Variants in GALNT13 observed in about 807,000 individuals in gnomAD.
GALNT13 encodes polypeptide N-acetylgalactosaminyltransferase 13, also known as UDP-GalNAc:polypeptide N-acetylgalactosaminyltransferase 13.
In GALNT13, 28 loss-of-function variants were observed where a neutral mutation model predicts 64.2. That is an observed-to-expected ratio of 0.44 (90% CI 0.32 to 0.60). The LOEUF (loss-of-function observed/expected upper bound fraction) is 0.60, where lower values mean the gene tolerates loss of function less well. Ranked by LOEUF, GALNT13 falls within the 20% of genes least tolerant of loss-of-function variation. The probability of loss-of-function intolerance (pLI) is 0.05; values close to 1 mark genes in which losing one functional copy is unlikely to be tolerated. For synonymous variants in GALNT13, 214 were observed against 224.6 expected (o/e 0.95, Z 0.42); for missense variants, 577 against 669.8 (o/e 0.86, Z 1.53).
At chr2:153,981,469 T>C (rs1694457846) in intron 3 of GALNT13, among the ~76,000 whole-genome samples, 1 of 152,120 alleles carries the variant, frequency 6.6e-6, no homozygotes, top group African/African-American at 2.4e-5. Context: ...ATGCGGTGTT[T>C]GGTTTTTTTG....
the GALNT13 span, among the ~76,000 whole-genome samples, chr2:153,360,486 G>A: frequency 6.6e-6 from 1 of 152,148 alleles, no homozygotes; most frequent in African/African-American, 2.4e-5. Flanking sequence ...GCAGGGGAAG[G>A]GCAGCAGCCA....
chr2:154,238,622 G>C (rs1420200242), intron 4 of GALNT13, among the ~76,000 whole-genome samples: 2 of 151,928 alleles, frequency 1.3e-5, no homozygotes, highest in African/African-American at 4.8e-5. Context: ...AAGATAACTA[G>C]ATAAACTGAC....
chr2:153,316,893 G>C, the GALNT13 span, among the ~76,000 whole-genome samples: 1 of 152,082 alleles, frequency 6.6e-6, no homozygotes, highest in African/African-American at 2.4e-5. Context: ...CAAATATTCT[G>C]TATCTTAATA....
chr2:153,815,730 G>A, the GALNT13 span, among the ~76,000 whole-genome samples: 3 of 152,002 alleles, frequency 2.0e-5, no homozygotes, highest in African/African-American at 7.2e-5. Flanking sequence ...TTTAGAAAAT[G>A]GTCTCAAGTA....
At chr2:153,745,847 C>G in the GALNT13 span, among the ~76,000 whole-genome samples, 1 of 152,116 alleles carries the variant, frequency 6.6e-6, no homozygotes, top group Non-Finnish European at 1.5e-5. Context: ...CTCAGCCTCT[C>G]AAAGTGCTGG....
the GALNT13 span, among the ~76,000 whole-genome samples, chr2:153,546,775 T>A: frequency 6.6e-6 from 1 of 152,252 alleles, no homozygotes; most frequent in African/African-American, 2.4e-5. Flanking sequence ...TACAGATTTA[T>A]ATACTTTTGT....
At chr2:153,352,750 A>T in the GALNT13 span, among the ~76,000 whole-genome samples, 6 of 152,098 alleles carry the variant, frequency 3.9e-5, no homozygotes, top group African/African-American at 1.2e-4. Context: ...TCTGTCAAAG[A>T]CCTGTTGACT....
chr2:153,940,779 A>T (rs1197563499), intron 2 of GALNT13, among the ~76,000 whole-genome samples: 1 of 152,138 alleles, frequency 6.6e-6, no homozygotes, highest in Non-Finnish European at 1.5e-5. Flanking sequence ...GCAGCCTTAC[A>T]CTAGTTTCCA....
chr2:153,089,201 G>A, the GALNT13 span, among the ~76,000 whole-genome samples: 1 of 152,040 alleles, frequency 6.6e-6, no homozygotes, highest in Admixed American at 6.6e-5. Flanking sequence ...TTGTTTTTCT[G>A]AAAAAGACCT....
the GALNT13 span, among the ~76,000 whole-genome samples, chr2:153,836,072 T>A: frequency 1.3e-5 from 2 of 152,024 alleles, no homozygotes; most frequent in Non-Finnish European, 2.9e-5. Context: ...AATCCTAGAC[T>A]TTCAATCCCA....
At chr2:153,445,008 A>T in the GALNT13 span, among the ~76,000 whole-genome samples, 1 of 152,180 alleles carries the variant, frequency 6.6e-6, no homozygotes, top group Non-Finnish European at 1.5e-5. Flanking sequence ...GCATTTTTAC[A>T]TTTCCACCAG....
the GALNT13 span, among the ~76,000 whole-genome samples, chr2:153,630,678 TAAAA>T: frequency 2.4e-5 from 3 of 127,224 alleles, no homozygotes; most frequent in African/African-American, 8.7e-5. Flanking sequence ...ATTAAAAAAT[TAAAA>T]AAAATTAAAA....
the GALNT13 span, among the ~76,000 whole-genome samples, chr2:153,532,161 ACTCCTGCAGCAGG>A: frequency 6.6e-6 from 1 of 151,646 alleles, no homozygotes; most frequent in Admixed American, 6.6e-5. Context: ...TGAGCGCTCC[ACTCCTGCAGCAGG>A]CTTCTGCATG....
chr2:153,508,142 G>C, the GALNT13 span, among the ~76,000 whole-genome samples: 28 of 152,266 alleles, frequency 1.8e-4, no homozygotes, highest in African/African-American at 6.3e-4. Context: ...ATTTTGTGTT[G>C]GTTGGCCTCC....
chr2:153,135,253 C>A, the GALNT13 span, among the ~76,000 whole-genome samples: 2 of 152,078 alleles, frequency 1.3e-5, no homozygotes, highest in Non-Finnish European at 2.9e-5. Flanking sequence ...CCCTTATGAC[C>A]TCATTTAACT....
At chr2:153,562,932 G>T in the GALNT13 span, among the ~76,000 whole-genome samples, 9 of 152,020 alleles carry the variant, frequency 5.9e-5, no homozygotes, top group Non-Finnish European at 1.0e-4. Context: ...TCAGTTGCGT[G>T]ATGTACCTTT....
the GALNT13 span, among the ~76,000 whole-genome samples, chr2:153,543,309 T>C: frequency 3.3e-5 from 5 of 152,200 alleles, no homozygotes; most frequent in Non-Finnish European, 5.9e-5. Context: ...TTGTGTTTAT[T>C]GTACCTGCCT....
At chr2:154,244,420 G>A (rs1005592382) in intron 6 of GALNT13, among the ~76,000 whole-genome samples, 5 of 152,238 alleles carry the variant, frequency 3.3e-5, no homozygotes, top group Admixed American at 1.3e-4. Context: ...CTTGTTGATC[G>A]CAGATAAGTT....
intron 9 of GALNT13, among the ~76,000 whole-genome samples, chr2:154,338,539 G>A (rs1042215200): frequency 6.6e-6 from 1 of 152,116 alleles, no homozygotes; most frequent in African/African-American, 2.4e-5. Context: ...CTGGAAACAG[G>A]AGGCATGACA....
Sources: gnomAD v4.1 joint callset for allele counts (sites outside exome capture counted in the v4.1 genomes callset) on GRCh38, gnomAD v4.1.1 for gene constraint, MANE v1.5 for transcripts, NCBI Gene and HGNC (gene_info 2026-07-23, HGNC 2026-07-21) for gene names.